DGKB: variants seen among roughly 807,000 people sequenced by gnomAD.
DGKB encodes the protein diacylglycerol kinase beta, also known as 90 kDa diacylglycerol kinase.
Under a neutral mutation model 114.3 loss-of-function variants are expected in DGKB, and 67 were observed. That is an observed-to-expected ratio of 0.59 (90% CI 0.48 to 0.72). The LOEUF (loss-of-function observed/expected upper bound fraction) is 0.72. Among genes scored for constraint, DGKB ranks in the 30% least tolerant of loss-of-function variants. The pLI, the probability that DGKB is intolerant of heterozygous loss-of-function variation, is 0.00. For missense variants in DGKB, 907 were observed against 975.2 expected (o/e 0.93, Z 0.93); for synonymous variants, 398 against 323.1 (o/e 1.23, Z -2.49).
At chr7:14,532,011 A>T (rs187919568) in intron 20 of DGKB, among the ~76,000 whole-genome samples, 1 of 151,486 alleles carries the variant, frequency 6.6e-6, no homozygotes, top group Non-Finnish European at 1.5e-5. Flanking sequence ...TAAACCATAT[A>T]CAAAAATTGC....
chr7:14,529,358 G>A (rs747594324), intron 20 of DGKB, among the ~76,000 whole-genome samples: 3 of 151,746 alleles, frequency 2.0e-5, no homozygotes, highest in Non-Finnish European at 4.4e-5. Context: ...ATTTTGTTGA[G>A]CAGTGATGCT....
intron 23 of DGKB, among the ~76,000 whole-genome samples, chr7:14,188,517 G>A (rs1013834996): frequency 5.5e-5 from 8 of 144,404 alleles, no homozygotes; most frequent in Admixed American, 2.2e-4. Flanking sequence ...AAAATTAGCC[G>A]GGCGTGGTGG....
At chr7:14,648,488 C>G (rs1386273824) in intron 13 of DGKB, among the ~76,000 whole-genome samples, 1 of 137,742 alleles carries the variant, frequency 7.3e-6, no homozygotes, top group Non-Finnish European at 1.6e-5. Flanking sequence ...ACCAAAAACC[C>G]ATCTGTACAT....
intron 20 of DGKB, among the ~76,000 whole-genome samples, chr7:14,528,617 T>C (rs956265621): frequency 2.6e-5 from 4 of 151,994 alleles, no homozygotes; most frequent in East Asian, 1.9e-4. Context: ...TGGACAGTAA[T>C]TGAAGAGTAG....
intron 21 of DGKB, among the ~76,000 whole-genome samples, chr7:14,447,373 C>T (rs922621586): frequency 6.6e-6 from 1 of 151,984 alleles, no homozygotes; most frequent in African/African-American, 2.4e-5. Context: ...ATAACTTGGA[C>T]CTCACTAAAC....
intron 21 of DGKB, among the ~76,000 whole-genome samples, chr7:14,450,134 T>A (rs1262836093): frequency 1.3e-5 from 2 of 152,084 alleles, no homozygotes; most frequent in African/African-American, 4.8e-5. Context: ...GCAAAATAGA[T>A]GAAACCAAGA....
At chr7:14,690,497 T>C (rs897022583) in intron 9 of DGKB, among the ~76,000 whole-genome samples, 2 of 152,250 alleles carry the variant, frequency 1.3e-5, no homozygotes, top group Non-Finnish European at 2.9e-5. Context: ...TTTTCTGTTT[T>C]TTAATCTGAG....
intron 13 of DGKB, among the ~76,000 whole-genome samples, chr7:14,667,362 A>G (rs1489311869): frequency 1.3e-5 from 2 of 152,050 alleles, no homozygotes; most frequent in Non-Finnish European, 2.9e-5. Flanking sequence ...GTATTTATAG[A>G]GGTCATTCAA....
intron 16 of DGKB, among the ~76,000 whole-genome samples, chr7:14,611,302 T>C (rs558228604): frequency 4.6e-5 from 7 of 152,298 alleles, no homozygotes; most frequent in South Asian, 2.1e-4. Context: ...ATGCCTCTTA[T>C]TCCCAGTCAC....
chr7:14,151,836 A>C (rs894766026), intron 25 of DGKB, among the ~76,000 whole-genome samples: 10 of 152,084 alleles, frequency 6.6e-5, no homozygotes, highest in African/African-American at 2.4e-4. Context: ...GCCTATTATG[A>C]ATGCTGTCTC....
intron 1 of DGKB, among the ~76,000 whole-genome samples, chr7:14,896,867 TA>T (rs1278554609): frequency 2.6e-5 from 4 of 151,834 alleles, no homozygotes; most frequent in African/African-American, 9.7e-5. Flanking sequence ...ATTGAGAAAT[TA>T]TATATAGAGT....
intron 23 of DGKB, among the ~76,000 whole-genome samples, chr7:14,248,617 G>T (rs541200030): frequency 6.6e-6 from 1 of 151,786 alleles, no homozygotes; most frequent in Non-Finnish European, 1.5e-5. Context: ...TATTTTAAAT[G>T]GAATTGTTTT....
intron 14 of DGKB, among the ~76,000 whole-genome samples, chr7:14,626,060 T>A (rs79114031): frequency 7.2e-4 from 109 of 151,978 alleles, no homozygotes; most frequent in Non-Finnish European, 1.3e-3. Flanking sequence ...GTGAAATGAA[T>A]AAAATAAAAA....
At chr7:14,522,933 G>C (rs1359985678) in intron 20 of DGKB, among the ~76,000 whole-genome samples, 2 of 152,046 alleles carry the variant, frequency 1.3e-5, no homozygotes, top group Admixed American at 1.3e-4. Context: ...TACGGAATTG[G>C]CCTAGTTTTT....
At chr7:14,560,484 T>G (rs1339175464) in intron 20 of DGKB, among the ~76,000 whole-genome samples, 1 of 152,198 alleles carries the variant, frequency 6.6e-6, no homozygotes. Context: ...GTGGGTTTAT[T>G]TCATCTAGGA....
chr7:14,817,699 T>G (rs1844356351), intron 2 of DGKB, among the ~76,000 whole-genome samples: 2 of 152,292 alleles, frequency 1.3e-5, no homozygotes, highest in Admixed American at 6.5e-5. Flanking sequence ...GAAATGCATG[T>G]TTTCATCTAA....
intron 21 of DGKB, among the ~76,000 whole-genome samples, chr7:14,427,903 G>C (rs1275150125): frequency 6.6e-6 from 1 of 152,026 alleles, no homozygotes; most frequent in Non-Finnish European, 1.5e-5. Flanking sequence ...TAAAACTGTA[G>C]ATTCAAGTCT....
Position 14,552,753 on chromosome 7 carries a change from G to T in DGKB, c.1770+21459C>A, listed in dbSNP as rs151083276. On this transcript the variant is annotated intron_variant, in intron 20 of 25. Coordinates refer to ENST00000402815, the MANE Select transcript of DGKB (RefSeq NM_001350709.2). ...TTCTCTCCACTAGGAAAAATTAAAT[G>T]TTTTCCAATAGGGAGCTATCACAAA... Among the ~76,000 whole-genome samples the T allele has an allele frequency of 2.8e-3, 423 of 152,312 alleles. 4 individuals are homozygous for T. Among genetic ancestry groups the T allele is most frequent in the South Asian group, 6.6e-3 (32 of 4,830 alleles).
chr7:14,209,501 C>T (rs1787403460), intron 23 of DGKB: 2 of 496,734 alleles, frequency 4.0e-6, no homozygotes, highest in Non-Finnish European at 8.3e-6. Context: ...TTTTTTTATC[C>T]TATATTCAGG....
Sources: gnomAD v4.1 joint callset for allele counts (sites outside exome capture counted in the v4.1 genomes callset) on GRCh38, gnomAD v4.1.1 for gene constraint, MANE v1.5 for transcripts, NCBI Gene and HGNC (gene_info 2026-07-23, HGNC 2026-07-21) for gene names.